ADCY2: variants seen among roughly 807,000 people sequenced by gnomAD.
The protein encoded by ADCY2 is adenylate cyclase type 2.
A neutral mutation model predicts 125.2 loss-of-function variants in ADCY2; 31 were observed. The ratio of observed to expected loss-of-function variants is 0.25; its 90% CI spans 0.19 to 0.33. ADCY2 has a LOEUF of 0.33. Ranked by LOEUF, ADCY2 falls within the 10% of genes least tolerant of loss-of-function variation. The probability of loss-of-function intolerance (pLI) is 1.00; values close to 1 mark genes in which losing one functional copy is unlikely to be tolerated. For synonymous variants in ADCY2, 512 were observed against 548.4 expected, an observed-to-expected ratio of 0.93 and a Z score of 0.93; for missense variants, 904 against 1,418.2, an observed-to-expected ratio of 0.64 and a Z score of 5.82.
intron 3 of ADCY2, among the ~76,000 whole-genome samples, chr5:7,550,923 C>A (rs1174379511): frequency 2.0e-5 from 3 of 152,144 alleles, no homozygotes; most frequent in Non-Finnish European, 4.4e-5. Context: ...CTCACAATTT[C>A]TATTCATCAT....
intron 7 of ADCY2, among the ~76,000 whole-genome samples, chr5:7,705,415 A>G (rs925428270): frequency 2.0e-5 from 3 of 152,248 alleles, no homozygotes; most frequent in African/African-American, 7.2e-5. Flanking sequence ...AGACCAGCCT[A>G]GAGGGGAGAG....
intron 5 of ADCY2, among the ~76,000 whole-genome samples, chr5:7,694,541 G>T (rs183412800): frequency 6.6e-6 from 1 of 152,170 alleles, no homozygotes; most frequent in Non-Finnish European, 1.5e-5. Flanking sequence ...TACAGTATTT[G>T]CTCTTTGTAC....
chr5:7,569,426 T>A (rs1736004711), intron 3 of ADCY2, among the ~76,000 whole-genome samples: 1 of 152,114 alleles, frequency 6.6e-6, no homozygotes, highest in Non-Finnish European at 1.5e-5. Flanking sequence ...TTGGCCTTCA[T>A]TATGGGCACT....
intron 14 of ADCY2, among the ~76,000 whole-genome samples, chr5:7,728,225 G>T (rs1418705462): frequency 6.6e-6 from 1 of 152,158 alleles, no homozygotes; most frequent in Non-Finnish European, 1.5e-5. Flanking sequence ...TGAACGTGCT[G>T]AGCAAACTAC....
intron 3 of ADCY2, among the ~76,000 whole-genome samples, chr5:7,577,731 A>G (rs961131905): frequency 1.3e-5 from 2 of 152,214 alleles, no homozygotes; most frequent in African/African-American, 4.8e-5. Context: ...AACAAAACTT[A>G]CAAAATTCAA....
chr5:7,774,457 G>A (rs566714858), intron 18 of ADCY2, among the ~76,000 whole-genome samples: 13 of 152,240 alleles, frequency 8.5e-5, no homozygotes, highest in East Asian at 1.9e-4. Flanking sequence ...TGATTTTCAC[G>A]CGCAGCTGAT....
chr5:7,741,939 CATT>C (rs1040897052), intron 14 of ADCY2, among the ~76,000 whole-genome samples: 99 of 152,040 alleles, frequency 6.5e-4, no homozygotes, highest in African/African-American at 2.1e-3. Context: ...CCATCACCGT[CATT>C]ATTATCATCA....
intron 22 of ADCY2, among the ~76,000 whole-genome samples, chr5:7,815,367 A>G (rs1416884094): frequency 2.6e-5 from 4 of 152,130 alleles, no homozygotes; most frequent in Non-Finnish European, 5.9e-5. Flanking sequence ...CCATTCGGCC[A>G]AGCAGCCATG....
chr5:7,726,308 AC>A (rs1369209033), intron 13 of ADCY2, among the ~76,000 whole-genome samples: 1 of 152,152 alleles, frequency 6.6e-6, no homozygotes, highest in African/African-American at 2.4e-5. Context: ...TTTCCCATGC[AC>A]TGTATCTCAC....
intron 2 of ADCY2, among the ~76,000 whole-genome samples, chr5:7,501,646 T>TCCCCG: frequency 2.5e-5 from 1 of 40,526 alleles, no homozygotes; most frequent in South Asian, 2.0e-3. Context: ...GATTCCCCCC[T>TCCCCG]CCCCCCCCCC....
At chr5:7,739,734 G>T (rs1742358160) in intron 14 of ADCY2, among the ~76,000 whole-genome samples, 1 of 151,818 alleles carries the variant, frequency 6.6e-6, no homozygotes, top group Non-Finnish European at 1.5e-5. Flanking sequence ...AGGGAAAAAA[G>T]AGGACTCACT....
At chr5:7,398,771 G>A (rs11951052) in intron 1 of ADCY2, among the ~76,000 whole-genome samples, 3,680 of 152,350 alleles carry the variant, frequency 0.024, 53 homozygotes, top group Non-Finnish European at 0.036. Flanking sequence ...AAGGAGCTAT[G>A]CCTAGGAGAA....
chr5:7,653,673 T>A (rs1739182373), intron 4 of ADCY2, among the ~76,000 whole-genome samples: 1 of 152,024 alleles, frequency 6.6e-6, no homozygotes, highest in Admixed American at 6.6e-5. Context: ...TATTAGGTAG[T>A]TTATTACAAA....
chr5:7,811,367 G>A (rs1036513063), intron 22 of ADCY2, among the ~76,000 whole-genome samples: 3 of 152,044 alleles, frequency 2.0e-5, no homozygotes, highest in South Asian at 2.1e-4. Flanking sequence ...CGGGCGTGGT[G>A]GCAGGCGCCT....
chr5:7,510,560 C>T (rs1236519325), intron 2 of ADCY2, among the ~76,000 whole-genome samples: 1 of 152,122 alleles, frequency 6.6e-6, no homozygotes, highest in Non-Finnish European at 1.5e-5. Flanking sequence ...GGCCCAAGCA[C>T]CATACTTGGT....
At chr5:7,558,582 A>G (rs11956178) in intron 3 of ADCY2, among the ~76,000 whole-genome samples, 45,287 of 151,890 alleles carry the variant, frequency 0.3, 7,901 homozygotes, top group Non-Finnish European at 0.4. Flanking sequence ...GATGCTGGAT[A>G]TTAGACCTCT....
At chr5:7,486,892 G>A (rs907102190) in intron 2 of ADCY2, among the ~76,000 whole-genome samples, 6 of 152,156 alleles carry the variant, frequency 3.9e-5, no homozygotes, top group African/African-American at 9.7e-5. Context: ...TGGCATGTGC[G>A]TTGGAGGTCA....
At chr5:7,421,935 T>C (rs898104078) in intron 2 of ADCY2, among the ~76,000 whole-genome samples, 3 of 152,208 alleles carry the variant, frequency 2.0e-5, no homozygotes, top group African/African-American at 4.8e-5. Flanking sequence ...CACTCATGAA[T>C]GTAAAGAGAA....
In ADCY2 at chr5:7,530,812, G is replaced by A. The variant is rs371088811; in HGVS notation, c.570+9913G>A. On this transcript the variant is annotated intron_variant, in intron 3 of 24. Transcript: ENST00000338316. ...TGGGAGCCCCAACAGTGCCATGCTC[G>A]TTCTCATCTCCACGTATTTACACAT... 3.2e-4 allele frequency among the ~76,000 whole-genome samples: 48 copies of A among 152,076 alleles called. 1 individual carries two copies. Among genetic ancestry groups the A allele is most frequent in the African/African-American group, 1.1e-3 (46 of 41,474 alleles).
Sources: allele counts gnomAD v4.1 joint callset (sites outside exome capture counted in the v4.1 genomes callset), GRCh38; gene constraint gnomAD v4.1.1; transcripts MANE v1.5; gene names NCBI Gene and HGNC (gene_info 2026-07-23, HGNC 2026-07-21).